Variants in TRPM3 observed in about 807,000 individuals in gnomAD.
TRPM3 encodes transient receptor potential cation channel subfamily M member 3, also known as long transient receptor potential channel 3.
A neutral mutation model predicts 181.2 loss-of-function variants in TRPM3; 77 were observed. The ratio of observed to expected loss-of-function variants is 0.42; its 90% CI spans 0.35 to 0.51. TRPM3 has a LOEUF of 0.51. TRPM3 is among the 20% of genes least tolerant of loss of function. The pLI, the probability that TRPM3 is intolerant of heterozygous loss-of-function variation, is 0.01. For synonymous variants in TRPM3, 745 were observed against 796.4 expected (o/e 0.94, Z 1.09); for missense variants, 1,759 against 2,196.7 (o/e 0.80, Z 3.98).
chr9:70,897,260 C>G (rs1157602996), intron 1 of TRPM3, among the ~76,000 whole-genome samples: 1 of 107,640 alleles, frequency 9.3e-6, no homozygotes, highest in Admixed American at 9.5e-5. Flanking sequence ...CCCTTCCCAG[C>G]CTCTGGTAAC....
At chr9:71,144,951 A>T (rs148985011) in intron 1 of TRPM3, among the ~76,000 whole-genome samples, 3,195 of 152,256 alleles carry the variant, frequency 0.021, 53 homozygotes, top group Non-Finnish European at 0.027. Flanking sequence ...GACAACCCAG[A>T]TTTATATTTT....
At position 70,906,395 on chromosome 9, in the gene TRPM3, C is replaced by T. The variant is rs536046110; in HGVS notation, c.178-41884G>A. Among the ~76,000 whole-genome samples, 29 of 152,250 alleles carry T rather than the reference C, an allele frequency of 1.9e-4. 1 individual carries two copies. The highest frequency in any genetic ancestry group is 2.4e-4 in the Non-Finnish European group (16 of 68,030). On this transcript the variant is annotated intron_variant, in intron 1 of 25. Coordinates refer to ENST00000677713, the MANE Select transcript of TRPM3 (RefSeq NM_001366145.2). ...TGAATGTTCCCTCACTGGGCCTGAG[C>T]GCTGAAAGAGAGGGCCGAAATCAAA... is the stretch of plus-strand genomic sequence containing the variant.
At chr9:70,612,607 G>A (rs2062155407) in intron 18 of TRPM3, among the ~76,000 whole-genome samples, 1 of 152,174 alleles carries the variant, frequency 6.6e-6, no homozygotes, top group South Asian at 2.1e-4. Context: ...ATTCCTTTGT[G>A]GACTCCGGCT....
At chr9:71,296,255 G>A (rs1010064828) in intron 1 of TRPM3, among the ~76,000 whole-genome samples, 1 of 152,054 alleles carries the variant, frequency 6.6e-6, no homozygotes, top group East Asian at 1.9e-4. Flanking sequence ...TATTATTCTA[G>A]ATGCCTGTGA....
At chr9:71,117,431 ACT>A (rs1196125714) in intron 1 of TRPM3, among the ~76,000 whole-genome samples, 1 of 152,126 alleles carries the variant, frequency 6.6e-6, no homozygotes, top group African/African-American at 2.4e-5. Context: ...TGATTTAAAC[ACT>A]GTTGTTTACC....
intron 1 of TRPM3, among the ~76,000 whole-genome samples, chr9:71,173,798 T>A (rs537654376): frequency 6.6e-5 from 10 of 152,366 alleles, no homozygotes; most frequent in African/African-American, 2.4e-4. Flanking sequence ...TTTTTAGATT[T>A]ATTACCTAGG....
chr9:71,210,468 C>CA (rs1445078552), intron 1 of TRPM3, among the ~76,000 whole-genome samples: 1 of 152,210 alleles, frequency 6.6e-6, no homozygotes, highest in Non-Finnish European at 1.5e-5. Flanking sequence ...CTATCTTTCA[C>CA]AAAACCGGTC....
At chr9:70,760,888 G>A (rs1450118297) in intron 8 of TRPM3, 1 of 152,260 alleles carries the variant, frequency 6.6e-6, no homozygotes, top group South Asian at 2.1e-4. Context: ...CAAATGAGCC[G>A]GGTTTCCTCA....
At chr9:70,846,671 T>C (rs1009641922) in intron 3 of TRPM3, 80 bp from the exon 4 acceptor site, 9 of 1,121,708 alleles carry the variant, frequency 8.0e-6, no homozygotes, top group Middle Eastern at 2.5e-4. Context: ...TGCAATTATA[T>C]GTGTAGTTAT....
intron 1 of TRPM3, among the ~76,000 whole-genome samples, chr9:70,868,120 A>T (rs568556628): frequency 1.1e-4 from 17 of 152,186 alleles, no homozygotes; most frequent in African/African-American, 4.1e-4. Context: ...CGCTTAGAAA[A>T]GATGGCTTCT....
At chr9:71,136,419 T>C (rs1178351469) in intron 1 of TRPM3, among the ~76,000 whole-genome samples, 1 of 152,170 alleles carries the variant, frequency 6.6e-6, no homozygotes, top group East Asian at 1.9e-4. Flanking sequence ...GAGGTTGACA[T>C]GTACCCAGGC....
At chr9:71,229,771 A>C (rs2131896628) in intron 1 of TRPM3, among the ~76,000 whole-genome samples, 1 of 152,284 alleles carries the variant, frequency 6.6e-6, no homozygotes, top group Non-Finnish European at 1.5e-5. Flanking sequence ...TATATCCAAA[A>C]GACATGCAAT....
rs1231140613 is a variant in TRPM3, at chr9:71,209,026, A to C, written c.183+237627T>G. On this transcript the variant is annotated intron_variant, in intron 1 of 24. Transcript: ENST00000357533. Reference sequence around the variant, plus strand: ...TCTTAGCCCATCCAGACACAATGTAAATCATGAGACTTTGATCACTTTAAT... The same window carrying C: ...TCTTAGCCCATCCAGACACAATGTACATCATGAGACTTTGATCACTTTAAT... Among the ~76,000 whole-genome samples the C allele has an allele frequency of 9.8e-5, 15 of 152,308 alleles. No individual in the cohort carries two copies. The East Asian group carries it at 1.4e-3, about 14-fold the overall frequency.
chr9:70,932,289 C>T (rs76750877), intron 1 of TRPM3, among the ~76,000 whole-genome samples: 2,400 of 152,118 alleles, frequency 0.016, 71 homozygotes, highest in African/African-American at 0.054. Context: ...AGAGGGCCTT[C>T]GTAAACAGTC....
At position 70,536,089 on chromosome 9, in the gene TRPM3, T is replaced by C. The variant is rs745777101; in HGVS notation, c.5024A>G (p.Gln1675Arg). 3 of 1,614,202 alleles carry C rather than the reference T, an allele frequency of 1.9e-6. No homozygotes were observed. Among genetic ancestry groups the C allele is most frequent in the East Asian group, 4.5e-5 (2 of 44,882 alleles). ...ATTTCGCAGGCTTGCTGTGTTCCGC[T>C]GCCTGTCGAGTTTGTCACTGATGGA... ...SFSISDKLDR[Q>R]RNTASLRNPF... Residue 1675 changes from glutamine to arginine, a missense_variant, in exon 26 of 26, where the codon CAG (glutamine) becomes CGG (arginine). Physicochemically the swap from Gln to Arg is conservative, Grantham distance 43. Coordinates refer to ENST00000677713, the MANE Select transcript of TRPM3 (RefSeq NM_001366145.2).
intron 1 of TRPM3, among the ~76,000 whole-genome samples, chr9:71,328,448 G>C (rs13340648): frequency 0.016 from 2,402 of 152,270 alleles, 26 homozygotes; most frequent in Middle Eastern, 0.061. Context: ...TTACAGGCGT[G>C]AGCCACCGCA....
chr9:70,559,502 C>T (rs898608679), intron 22 of TRPM3, among the ~76,000 whole-genome samples: 1 of 152,180 alleles, frequency 6.6e-6, no homozygotes, highest in African/African-American at 2.4e-5. Context: ...AAATCTCCCT[C>T]TAGATGCTGT....
chr9:70,904,403 C>T lies in TRPM3; in HGVS notation c.178-39892G>A, dbSNP rs1052195159. Among the ~76,000 whole-genome samples, 39 of 152,202 alleles carry T rather than the reference C, an allele frequency of 2.6e-4. No individual in the cohort carries two copies. In the Middle Eastern group the frequency reaches 0.017, roughly 66 times the overall value. On this transcript the variant is annotated intron_variant, in intron 1 of 25. Transcript: ENST00000677713. ...ACAACTCAGGTGCTCATTCTGCTTC[C>T]ACTTTCTCTAATTCACTGCCTGCAC...
rs2076428997 is a variant in TRPM3 at position 71,164,387 on chromosome 9, T to C, written c.183+282266A>G. On this transcript the variant is annotated intron_variant, in intron 1 of 24. Coordinates refer to the TRPM3 transcript ENST00000357533. Reference sequence around the variant, plus strand: ...AATGGCAGTGTCACAAGAGTTGAGTTTACCCCAGATAGTCACTGTTAGAGC... The same window carrying C: ...AATGGCAGTGTCACAAGAGTTGAGTCTACCCCAGATAGTCACTGTTAGAGC... 2.6e-5 allele frequency among the ~76,000 whole-genome samples: 4 copies of C among 152,270 alleles called. No individual in the cohort carries two copies. The South Asian group carries it at 8.3e-4, about 32-fold the overall frequency.
Sources: gnomAD v4.1 joint callset for allele counts (sites outside exome capture counted in the v4.1 genomes callset) on GRCh38, gnomAD v4.1.1 for gene constraint, MANE v1.5 for transcripts, NCBI Gene and HGNC (gene_info 2026-07-23, HGNC 2026-07-21) for gene names.